Variants in GEMIN5 observed in about 807,000 individuals in gnomAD.
The protein encoded by GEMIN5 is gem nuclear organelle associated protein 5, also known as gem-associated protein 5.
A neutral mutation model predicts 176.9 loss-of-function variants in GEMIN5; 124 were observed. The ratio of observed to expected loss-of-function variants is 0.70; its 90% CI spans 0.61 to 0.81. The LOEUF is 0.81. GEMIN5 is among the 40% of genes least tolerant of loss of function. GEMIN5 has a pLI of 0.00. For missense variants in GEMIN5, 1,843 were observed against 1,814.6 expected (o/e 1.02, Z -0.28); for synonymous variants, 673 against 665.2 (o/e 1.01, Z -0.18).
At position 154,925,846 on chromosome 5, in the gene GEMIN5, A is replaced by T. The variant is rs947091337; in HGVS notation, c.1293+16T>A. 1 of 1,516,552 alleles carries T rather than the reference A, an allele frequency of 6.6e-7. No homozygotes were observed. Among genetic ancestry groups the T allele is most frequent in the Non-Finnish European group, 9.1e-7 (1 of 1,102,028 alleles). The allele number at this position is 1,516,552 out of a possible 1,614,324, so 93.9% of individuals were successfully genotyped here. A position where few individuals can be genotyped will look rare whatever the true frequency, so the allele number is the denominator to read the frequency against. On this transcript the variant is annotated intron_variant, in intron 8 of 27. Coordinates refer to ENST00000285873, the MANE Select transcript of GEMIN5 (RefSeq NM_015465.5). ...AAAAAAAAAGTTCAAAACAAGCTCA[A>T]AAAAAGAATCCTTACCGCTGTAACC...
chr5:154,912,896 T>C lies in GEMIN5; in HGVS notation c.1995+3A>G. ...ACCCACAGGGACAAGGACACAATAG[T>C]ACCTGGGCTGTACCATCATAGGAAG... On this transcript the variant is annotated splice_donor_region_variant and intron_variant, in intron 14 of 27. Transcript: ENST00000285873. The C allele has an allele frequency of 6.2e-7, 1 of 1,612,848 alleles. No individual in the cohort carries two copies. The highest frequency in any genetic ancestry group is 8.5e-7 in the Non-Finnish European group (1 of 1,179,238).
intron 4 of GEMIN5, among the ~76,000 whole-genome samples, chr5:154,931,881 C>T (rs1764173390): frequency 1.3e-5 from 2 of 152,140 alleles, no homozygotes; most frequent in African/African-American, 2.4e-5. Flanking sequence ...GGCGTGGTGG[C>T]GCATGCCTGT....
rs754015906 is a variant in GEMIN5, at chr5:154,931,558, G to T, written c.681C>A (p.Asn227Lys). 2.5e-6 allele frequency: 4 copies of T among 1,604,382 alleles called. No individual in the cohort carries two copies. In the Admixed American group the frequency reaches 6.7e-5, roughly 27 times the overall value. The part of the protein sequence containing the change: ...EETSEEAEIT[N>K]GNAVAQAPVT... Reference sequence around the variant, plus strand: ...CTGGAGCTTGTGCTACAGCATTCCCGTTGGTAATTTCAGCTTCTTCTATGA... The same window carrying T: ...CTGGAGCTTGTGCTACAGCATTCCCTTTGGTAATTTCAGCTTCTTCTATGA... The change falls in exon 5 of 28, where the codon AAC becomes AAA. Residue 227 changes from asparagine (N) to lysine (K), a missense_variant. Coordinates refer to ENST00000285873, the MANE Select transcript of GEMIN5 (RefSeq NM_015465.5).
chr5:154,891,193 C>A, intron 26 of GEMIN5, 48 bp downstream of exon 26: 1 of 1,548,648 alleles, frequency 6.5e-7, no homozygotes. Context: ...CTGTTCCTAG[C>A]CAGCAGGGTC....
rs757768088 is a variant in GEMIN5, at chr5:154,898,601, T to C, written c.3184A>G (p.Lys1062Glu). The change falls in exon 23 of 28, where the codon AAG (lysine) becomes GAG (glutamate). Residue 1062 changes from lysine to glutamate, a missense_variant. Transcript: ENST00000285873. ...AYDAAKVLAK[K>E]GDAASLRTAA... ...GTTCTAAGTGATGCCGCATCCCCCTTTTTGGCCAAAACTTTGGCTGCATCA... is the reference window on the plus strand; with the variant it reads ...GTTCTAAGTGATGCCGCATCCCCCTCTTTGGCCAAAACTTTGGCTGCATCA... 2 of 1,614,170 alleles carry C rather than the reference T, an allele frequency of 1.2e-6. No individual in the cohort carries two copies. Among genetic ancestry groups the C allele is most frequent in the East Asian group, 4.5e-5 (2 of 44,882 alleles).
Position 154,887,805 on chromosome 5 carries a change from A to T in GEMIN5, c.*405T>A, listed in dbSNP as rs1269544152. 1 of 163,664 alleles carries T rather than the reference A, an allele frequency of 6.1e-6. No homozygotes were observed. The highest frequency in any genetic ancestry group is 1.9e-4 in the East Asian group (1 of 5,322). The allele number at this position is 163,664 out of a possible 1,614,324, so 10.1% of individuals were successfully genotyped here. On this transcript the variant is annotated 3_prime_UTR_variant, in exon 28 of 28. Transcript: ENST00000285873. ...AATAGTCCTAAAATGCAGCAACTCC[A>T]TCTCAAACAAGCATGACACACTTCT...
chr5:154,922,823 A>G (rs558975170), intron 9 of GEMIN5, among the ~76,000 whole-genome samples: 1 of 150,842 alleles, frequency 6.6e-6, no homozygotes, highest in East Asian at 2.0e-4. Flanking sequence ...CAGCCTCCCG[A>G]GTAGCTGAGA....
At chr5:154,937,860 T>G in intron 1 of GEMIN5, 108 bp downstream of exon 1, 1 of 992,566 alleles carries the variant, frequency 1.0e-6, no homozygotes, top group East Asian at 3.2e-5. Context: ...CCTCCCAGCC[T>G]GGGCCTCAGT....
chr5:154,937,725 C>T (rs954202574), intron 1 of GEMIN5, among the ~76,000 whole-genome samples: 5 of 152,202 alleles, frequency 3.3e-5, no homozygotes, highest in Admixed American at 2.6e-4. Context: ...CTATACAAGG[C>T]TAACTTTTCA....
At chr5:154,897,834 AAG>A (rs1763381829) in intron 23 of GEMIN5, among the ~76,000 whole-genome samples, 1 of 152,036 alleles carries the variant, frequency 6.6e-6, no homozygotes, top group South Asian at 2.1e-4. Flanking sequence ...CTCTTCAAGG[AAG>A]ACAGTGCTGA....
intron 27 of GEMIN5, 61 bp downstream of exon 27, chr5:154,889,260 G>T: frequency 2.4e-6 from 2 of 833,266 alleles, no homozygotes; most frequent in Non-Finnish European, 4.2e-6. Flanking sequence ...TAAGAATGTG[G>T]TATAGTCAAG....
chr5:154,909,892 T>A (rs888650428), intron 15 of GEMIN5, among the ~76,000 whole-genome samples: 1 of 151,880 alleles, frequency 6.6e-6, no homozygotes, highest in African/African-American at 2.4e-5. Context: ...GGCAGGAGAA[T>A]TGTTTGAACC....
At position 154,898,663 on chromosome 5, in the gene GEMIN5, T is replaced by C. The variant is rs1160817118; in HGVS notation, c.3135-13A>G. 9.6e-5 allele frequency: 124 copies of C among 1,285,212 alleles called. No homozygotes were observed. Among genetic ancestry groups the C allele is most frequent in the Non-Finnish European group, 1.3e-4 (113 of 880,680 alleles). 79.6% of individuals were successfully genotyped at this position (1,285,212 alleles called of 1,614,324 possible). On this transcript the variant is annotated splice_polypyrimidine_tract_variant and intron_variant, in intron 22 of 27. Transcript: ENST00000285873. ...GGCCCCTAAATAGCTATAATATGAATAAAAATGTGAAGAAAATGTCACAAA... is the reference window on the plus strand; with the variant it reads ...GGCCCCTAAATAGCTATAATATGAACAAAAATGTGAAGAAAATGTCACAAA...
rs762241232 is a variant in GEMIN5 at position 154,925,845 on chromosome 5, A to G, written c.1293+17T>C. 6.7e-7 allele frequency: 1 copy of G among 1,489,768 alleles called. No homozygotes were observed. Among genetic ancestry groups the G allele is most frequent in the Admixed American group, 1.8e-5 (1 of 55,324 alleles). 92.3% of individuals were successfully genotyped at this position (1,489,768 alleles called of 1,614,324 possible). On this transcript the variant is annotated intron_variant, in intron 8 of 27. Transcript: ENST00000285873. ...AAAAAAAAAAGTTCAAAACAAGCTC[A>G]AAAAAAGAATCCTTACCGCTGTAAC...
intron 11 of GEMIN5, 73 bp from the exon 12 acceptor site, chr5:154,918,077 A>G (rs1763849244): frequency 5.4e-6 from 5 of 920,792 alleles, no homozygotes; most frequent in Non-Finnish European, 7.1e-6. Context: ...TGAGAAAAAA[A>G]AATCCCTAGA....
At chr5:154,894,642 C>T (rs1404050897) in intron 24 of GEMIN5, among the ~76,000 whole-genome samples, 2 of 152,040 alleles carry the variant, frequency 1.3e-5, no homozygotes, top group Non-Finnish European at 2.9e-5. Flanking sequence ...TGCAGTGGCT[C>T]ATGCCTATAA....
intron 15 of GEMIN5, among the ~76,000 whole-genome samples, chr5:154,910,314 A>G (rs1035259110): frequency 6.7e-6 from 1 of 149,890 alleles, no homozygotes; most frequent in African/African-American, 2.5e-5. Context: ...CATTTAAAAT[A>G]AAAAAAAAAC....
Position 154,905,700 on chromosome 5 carries a change from G to GTT in GEMIN5, c.2396-226_2396-225dup, listed in dbSNP as rs112942279. Among the ~76,000 whole-genome samples the GTT allele has an allele frequency of 2.4e-3, 332 of 139,032 alleles. 4 individuals carry two copies. Among genetic ancestry groups the GTT allele is most frequent in the African/African-American group, 6.9e-3 (261 of 37,932 alleles). 91.2% of individuals were successfully genotyped at this position (139,032 alleles called of 152,430 possible). A position where few individuals can be genotyped will look rare whatever the true frequency, so the allele number is the denominator to read the frequency against. On this transcript the variant is annotated intron_variant, in intron 16 of 27. Coordinates refer to ENST00000285873, the MANE Select transcript of GEMIN5 (RefSeq NM_015465.5). ...AGGAATCTGTAAGTCTATTACTTTG[G>GTT]TTTTTTTTTTTTTTTTGAGACGAAG...
rs574364539 is a variant in GEMIN5, at chr5:154,928,128, C to A, written c.914+399G>T. On this transcript the variant is annotated intron_variant, in intron 6 of 27. Coordinates refer to ENST00000285873, the MANE Select transcript of GEMIN5 (RefSeq NM_015465.5). The stretch of plus-strand genomic sequence containing the variant: ...ACCCTTTAAACAGATTTATCTCCAG[C>A]CACTAGAAGTAGGTAGTCAATGAAC... Among the ~76,000 whole-genome samples, 7 of 152,314 alleles carry A rather than the reference C, an allele frequency of 4.6e-5. No individual in the cohort carries two copies. The South Asian group carries it at 8.3e-4, about 18-fold the overall frequency.
Sources: gnomAD v4.1 joint callset for allele counts (sites outside exome capture counted in the v4.1 genomes callset) on GRCh38, gnomAD v4.1.1 for gene constraint, MANE v1.5 for transcripts, NCBI Gene and HGNC (gene_info 2026-07-23, HGNC 2026-07-21) for gene names.